COL24A1: variants seen among roughly 807,000 people sequenced by gnomAD.
The protein encoded by COL24A1 is collagen alpha-1(XXIV) chain.
In COL24A1, 224 loss-of-function variants were observed where a neutral mutation model predicts 253.9. That is an observed-to-expected ratio of 0.88 (90% CI 0.79 to 0.99). COL24A1 has a LOEUF of 0.99. Ranked by LOEUF, COL24A1 falls within the 50% of genes least tolerant of loss-of-function variation. COL24A1 has a pLI of 0.00. For synonymous variants in COL24A1, 685 were observed against 673.7 expected (o/e 1.02, Z -0.26); for missense variants, 2,131 against 2,068.5 (o/e 1.03, Z -0.59).
At chr1:86,150,670 A>G (rs918983808) in intron 1 of COL24A1, among the ~76,000 whole-genome samples, 3 of 152,170 alleles carry the variant, frequency 2.0e-5, no homozygotes, top group Non-Finnish European at 4.4e-5. Context: ...TAAAGAGCCA[A>G]ACCATTATTG....
At chr1:85,963,243 A>C (rs1007089766) in intron 23 of COL24A1, among the ~76,000 whole-genome samples, 3 of 152,140 alleles carry the variant, frequency 2.0e-5, no homozygotes, top group African/African-American at 7.2e-5. Context: ...ATTTAGATAA[A>C]TAGTAAAGAA....
At chr1:86,093,693 T>A (rs1397121374) in intron 5 of COL24A1, among the ~76,000 whole-genome samples, 1 of 152,014 alleles carries the variant, frequency 6.6e-6, no homozygotes, top group East Asian at 1.9e-4. Flanking sequence ...ATCAACAGTG[T>A]AAACAAACAA....
At chr1:85,825,540 A>G (rs2102014489) in intron 43 of COL24A1, among the ~76,000 whole-genome samples, 1 of 152,094 alleles carries the variant, frequency 6.6e-6, no homozygotes, top group South Asian at 2.1e-4. Context: ...AGTCCCACCA[A>G]CAGTGTAAAA....
At chr1:85,970,361 T>A in intron 21 of COL24A1, 90 bp from the exon 22 acceptor site, 1 of 1,222,036 alleles carries the variant, frequency 8.2e-7, no homozygotes, top group Non-Finnish European at 1.2e-6. Context: ...TTCTAAAATG[T>A]GAAGCTCATT....
chr1:85,825,169 C>G (rs191739293), intron 43 of COL24A1, among the ~76,000 whole-genome samples: 5 of 148,940 alleles, frequency 3.4e-5, no homozygotes, highest in Admixed American at 6.8e-5. Context: ...TGAGAATATG[C>G]GGTGTTTGGT....
intron 22 of COL24A1, among the ~76,000 whole-genome samples, chr1:85,969,256 G>C (rs1383847785): frequency 2.0e-5 from 3 of 151,922 alleles, no homozygotes; most frequent in Non-Finnish European, 2.9e-5. Flanking sequence ...GTGCTAGTAA[G>C]GTAAAAATGT....
At position 85,890,611 on chromosome 1, in the gene COL24A1, T is replaced by G. The variant is rs192275120; in HGVS notation, c.2923-998A>C. 2.5e-3 allele frequency among the ~76,000 whole-genome samples: 378 copies of G among 152,244 alleles called. 3 individuals are homozygous for G. The highest frequency in any genetic ancestry group is 8.8e-3 in the African/African-American group (365 of 41,554). ...AGGTTGTTTTTTTATTCTTGAGTTG[T>G]AGGAGTTCTTTATATCTACCCCTAT... On this transcript the variant is annotated intron_variant, in intron 31 of 59. Coordinates refer to ENST00000370571, the MANE Select transcript of COL24A1 (RefSeq NM_152890.7).
chr1:86,038,731 G>A (rs1266219817), intron 12 of COL24A1, among the ~76,000 whole-genome samples: 1 of 152,126 alleles, frequency 6.6e-6, no homozygotes, highest in Non-Finnish European at 1.5e-5. Flanking sequence ...GGAAGCCAAA[G>A]CTATGTTCTG....
intron 7 of COL24A1, among the ~76,000 whole-genome samples, chr1:86,076,828 A>T (rs549671494): frequency 6.6e-6 from 1 of 152,322 alleles, no homozygotes; most frequent in African/African-American, 2.4e-5. Context: ...CTTACACCTT[A>T]TACAAAAATT....
intron 19 of COL24A1, among the ~76,000 whole-genome samples, chr1:85,989,155 C>T (rs1693999105): frequency 6.6e-6 from 1 of 151,922 alleles, no homozygotes; most frequent in South Asian, 2.1e-4. Context: ...TGAATCAAGA[C>T]ACTTCTAGCT....
In COL24A1 at chr1:85,841,270, T is replaced by C; in HGVS notation, c.3579A>G (p.Pro1193=). Residue 1193 remains proline (P), a synonymous_variant, in exon 42 of 60, where the codon CCA becomes CCG. Transcript: ENST00000370571. ...LPGPKGEKGY[P]GEDSTVLGPP... Reference sequence around the variant, plus strand: ...GTCCTAGGACTGTGCTATCTTCTCCTGGGTAGCCCTAAAATGAAATAATGA... The same window carrying C: ...GTCCTAGGACTGTGCTATCTTCTCCCGGGTAGCCCTAAAATGAAATAATGA... The C allele has an allele frequency of 1.3e-6, 2 of 1,595,590 alleles. No homozygotes were observed. Among genetic ancestry groups the C allele is most frequent in the Non-Finnish European group, 1.7e-6 (2 of 1,171,868 alleles).
intron 9 of COL24A1, among the ~76,000 whole-genome samples, chr1:86,058,885 G>T (rs1700856025): frequency 1.3e-5 from 2 of 152,122 alleles, no homozygotes; most frequent in South Asian, 4.2e-4. Context: ...TTTTAATTTT[G>T]AAGGTTCCAT....
At chr1:85,880,155 T>C (rs1325294663) in intron 32 of COL24A1, among the ~76,000 whole-genome samples, 2 of 152,222 alleles carry the variant, frequency 1.3e-5, no homozygotes, top group South Asian at 2.1e-4. Flanking sequence ...CCCATAACCA[T>C]GAAATATCCT....
intron 45 of COL24A1, among the ~76,000 whole-genome samples, chr1:85,823,110 C>A (rs924351293): frequency 6.6e-6 from 1 of 152,174 alleles, no homozygotes; most frequent in Non-Finnish European, 1.5e-5. Context: ...TAGTCATGAA[C>A]AAAGTCTTCC....
intron 5 of COL24A1, among the ~76,000 whole-genome samples, chr1:86,110,791 C>A (rs1365019587): frequency 1.4e-4 from 21 of 152,256 alleles, no homozygotes; most frequent in African/African-American, 4.3e-4. Flanking sequence ...GGGCAGGGCT[C>A]CGGACCTGCA....
At chr1:85,920,379 C>G (rs1012821093) in intron 24 of COL24A1, among the ~76,000 whole-genome samples, 2 of 152,112 alleles carry the variant, frequency 1.3e-5, no homozygotes, top group Non-Finnish European at 2.9e-5. Flanking sequence ...CATTTGCAAA[C>G]ACAAAGTTAA....
chr1:85,817,772 G>A (rs927883089), intron 46 of COL24A1, among the ~76,000 whole-genome samples: 2 of 152,064 alleles, frequency 1.3e-5, no homozygotes, highest in Non-Finnish European at 2.9e-5. Context: ...TTCACCGTCA[G>A]AAGCATGAGT....
At chr1:85,746,571 G>A (rs774125291) in intron 55 of COL24A1, among the ~76,000 whole-genome samples, 1 of 152,110 alleles carries the variant, frequency 6.6e-6, no homozygotes, top group Non-Finnish European at 1.5e-5. Flanking sequence ...AAAAGTGCAC[G>A]AAACTATGAG....
At chr1:85,746,886 A>G (rs1665279709) in intron 55 of COL24A1, among the ~76,000 whole-genome samples, 1 of 152,134 alleles carries the variant, frequency 6.6e-6, no homozygotes, top group South Asian at 2.1e-4. Flanking sequence ...TCACACAAAA[A>G]TATTGGCACT....
Sources: gnomAD v4.1 joint callset for allele counts (sites outside exome capture counted in the v4.1 genomes callset) on GRCh38, gnomAD v4.1.1 for gene constraint, MANE v1.5 for transcripts, NCBI Gene and HGNC (gene_info 2026-07-23, HGNC 2026-07-21) for gene names.